The following HERC4 variants were observed in gnomAD, a reference collection of about 807,000 sequenced individuals.
The protein encoded by HERC4 is HECT and RLD domain containing E3 ubiquitin protein ligase 4, also known as probable E3 ubiquitin-protein ligase HERC4.
A neutral mutation model predicts 124.3 loss-of-function variants in HERC4; 28 were observed. That is an observed-to-expected ratio of 0.23 (90% CI 0.17 to 0.31). The LOEUF is 0.31. Among genes scored for constraint, HERC4 ranks in the 10% least tolerant of loss-of-function variants. The probability of loss-of-function intolerance (pLI) is 1.00; values close to 1 mark genes in which losing one functional copy is unlikely to be tolerated. For synonymous variants in HERC4, 407 were observed against 421.5 expected, an observed-to-expected ratio of 0.97 and a Z score of 0.42; for missense variants, 713 against 1,229.3, an observed-to-expected ratio of 0.58 and a Z score of 6.28.
At chr10:67,993,753 A>T (rs2036690647) in intron 9 of HERC4, 1 of 152,198 alleles carries the variant, frequency 6.6e-6, no homozygotes, top group Admixed American at 6.5e-5. Flanking sequence ...GTTTCTTTTG[A>T]AAAAGATATT....
intron 9 of HERC4, among the ~76,000 whole-genome samples, chr10:67,998,247 T>C (rs1241145624): frequency 6.6e-6 from 1 of 150,848 alleles, no homozygotes; most frequent in African/African-American, 2.4e-5. Context: ...ATAATAATAA[T>C]ACAATTAAAA....
At chr10:68,049,175 T>C (rs1006906110) in intron 3 of HERC4, among the ~76,000 whole-genome samples, 3 of 151,658 alleles carry the variant, frequency 2.0e-5, no homozygotes, top group African/African-American at 7.3e-5. Context: ...TGAAATATTA[T>C]GCTCTGCAAT....
At chr10:68,024,178 A>G (rs982858225) in intron 8 of HERC4, among the ~76,000 whole-genome samples, 7 of 152,180 alleles carry the variant, frequency 4.6e-5, no homozygotes, top group Non-Finnish European at 1.0e-4. Context: ...GCCAATAAAC[A>G]TATGAAAAGG....
chr10:67,928,098 TGGAAAA>T (rs2031349972), intron 23 of HERC4, among the ~76,000 whole-genome samples: 1 of 152,024 alleles, frequency 6.6e-6, no homozygotes, highest in Non-Finnish European at 1.5e-5. Context: ...TCCAGGCACT[TGGAAAA>T]GGAAACAAAC....
At chr10:67,981,871 G>A (rs1043803713) in intron 15 of HERC4, among the ~76,000 whole-genome samples, 3 of 152,090 alleles carry the variant, frequency 2.0e-5, no homozygotes, top group Non-Finnish European at 4.4e-5. Flanking sequence ...AATCGGGGGG[G>A]TGGAGGTTGC....
chr10:68,065,688 T>A (rs1320766920), intron 3 of HERC4, among the ~76,000 whole-genome samples: 1 of 152,008 alleles, frequency 6.6e-6, no homozygotes, highest in Non-Finnish European at 1.5e-5. Flanking sequence ...AGTGGAACCC[T>A]GTCTCTATAA....
chr10:67,940,788 G>T, intron 20 of HERC4, 151 bp downstream of exon 20: 1 of 708,110 alleles, frequency 1.4e-6, no homozygotes, highest in Non-Finnish European at 2.2e-6. Context: ...GAAACATAAT[G>T]GATTTTCCTT....
intron 11 of HERC4, 151 bp downstream of exon 11, chr10:67,992,048 A>C: frequency 3.2e-6 from 2 of 626,312 alleles, no homozygotes; most frequent in East Asian, 6.9e-5. Context: ...ACAGGTGTGC[A>C]CCACCACGCC....
At position 67,925,086 on chromosome 10, in the gene HERC4, C is replaced by T; in HGVS notation, c.2940G>A (p.Leu980=). The part of the protein sequence containing the change: ...ELPLEKKKQF[L]LFLTGSDRIP... ...ATACAACTAGTTAGAAATACTTACA[C>T]AGAAACTGTTTCTTCTTTTCCAATG... is the stretch of plus-strand genomic sequence containing the variant. Residue 980 remains leucine (L), a splice_region_variant and synonymous_variant, in exon 24 of 25, where the codon CTG becomes CTA. Transcript: ENST00000373700. The T allele has an allele frequency of 6.6e-7, 1 of 1,521,062 alleles. No homozygotes were observed. The highest frequency in any genetic ancestry group is 9.1e-7 in the Non-Finnish European group (1 of 1,096,106). The allele number at this position is 1,521,062 out of a possible 1,614,324, so 94.2% of individuals were successfully genotyped here. A position where few individuals can be genotyped will look rare whatever the true frequency, so the allele number is the denominator to read the frequency against.
At chr10:68,038,767 TA>T (rs2039608678) in intron 4 of HERC4, among the ~76,000 whole-genome samples, 2 of 152,330 alleles carry the variant, frequency 1.3e-5, no homozygotes, top group Non-Finnish European at 2.9e-5. Context: ...TAACAATCAT[TA>T]CTAATATGTT....
At chr10:67,927,379 CATAT>C (rs768914387) in intron 23 of HERC4, among the ~76,000 whole-genome samples, 145 of 87,808 alleles carry the variant, frequency 1.7e-3, no homozygotes, top group South Asian at 4.4e-3. Context: ...ATAAATACAC[CATAT>C]ATATATATAT....
chr10:67,932,580 G>A lies in HERC4; in HGVS notation c.2838+17C>T. 1 of 1,586,986 alleles carries A rather than the reference G, an allele frequency of 6.3e-7. No individual in the cohort carries two copies. The highest frequency in any genetic ancestry group is 8.6e-7 in the Non-Finnish European group (1 of 1,167,634). On this transcript the variant is annotated intron_variant, in intron 23 of 24. Coordinates refer to ENST00000373700, the MANE Select transcript of HERC4 (RefSeq NM_015601.4). ...AATCTTTCCATTTAACAATATCAGA[G>A]ATTAGTTTTCCCCTACCTTTTCCAG...
chr10:68,052,361 A>G (rs1189318924), intron 3 of HERC4, among the ~76,000 whole-genome samples: 2 of 152,118 alleles, frequency 1.3e-5, no homozygotes, highest in African/African-American at 4.8e-5. Flanking sequence ...TTTGCTTCTT[A>G]AAGAAAGACT....
intron 15 of HERC4, among the ~76,000 whole-genome samples, chr10:67,976,894 T>C (rs1478826497): frequency 1.3e-5 from 2 of 152,162 alleles, no homozygotes; most frequent in Non-Finnish European, 2.9e-5. Flanking sequence ...GTCCCAGTTG[T>C]CAAAATGTGA....
At chr10:67,963,273 G>A (rs2034636259) in intron 16 of HERC4, among the ~76,000 whole-genome samples, 1 of 152,130 alleles carries the variant, frequency 6.6e-6, no homozygotes, top group Non-Finnish European at 1.5e-5. Context: ...CTGGAGTGCA[G>A]TGGCGTGATC....
chr10:67,983,026 G>T (rs1171046731), intron 15 of HERC4, among the ~76,000 whole-genome samples: 1 of 151,002 alleles, frequency 6.6e-6, no homozygotes, highest in African/African-American at 2.4e-5. Flanking sequence ...TAATTGGGAG[G>T]CTGAGGCAGG....
chr10:68,010,345 C>G, intron 9 of HERC4: 1 of 944,196 alleles, frequency 1.1e-6, no homozygotes, highest in South Asian at 1.4e-5. Flanking sequence ...AAATGGGGCC[C>G]TGAGGCCATA....
chr10:67,932,437 T>C (rs928397032), intron 23 of HERC4, among the ~76,000 whole-genome samples, 160 bp downstream of exon 23: 3 of 152,234 alleles, frequency 2.0e-5, no homozygotes, highest in Admixed American at 2.0e-4. Flanking sequence ...CTAATTCATA[T>C]ACCGTTCAAA....
At chr10:67,928,901 A>G (rs1346387724) in intron 23 of HERC4, among the ~76,000 whole-genome samples, 4 of 151,892 alleles carry the variant, frequency 2.6e-5, no homozygotes, top group African/African-American at 9.7e-5. Flanking sequence ...AGCCTGGGCG[A>G]CAGAGCAAGA....
Sources: allele counts gnomAD v4.1 joint callset (sites outside exome capture counted in the v4.1 genomes callset), GRCh38; gene constraint gnomAD v4.1.1; transcripts MANE v1.5; gene names NCBI Gene and HGNC (gene_info 2026-07-23, HGNC 2026-07-21).